Variants in METTL15 observed in about 807,000 individuals in gnomAD.
METTL15 encodes the protein methyltransferase 15, mitochondrial 12S rRNA N4-cytidine.
Under a neutral mutation model 38.3 loss-of-function variants are expected in METTL15, and 34 were observed. That is an observed-to-expected ratio of 0.89 (90% CI 0.68 to 1.18). The LOEUF is 1.18. METTL15 is among the 50% of genes most tolerant of loss of function. The pLI is 0.00. For missense variants in METTL15, 438 were observed against 498.4 expected, an observed-to-expected ratio of 0.88 and a Z score of 1.15; for synonymous variants, 162 against 170.9, an observed-to-expected ratio of 0.95 and a Z score of 0.41.
At chr11:28,385,747 A>C (rs752898452) in intron 5 of METTL15, among the ~76,000 whole-genome samples, 4 of 152,068 alleles carry the variant, frequency 2.6e-5, no homozygotes, top group Non-Finnish European at 5.9e-5. Context: ...GGCCATTTTA[A>C]CAATATTCAT....
intron 4 of METTL15, among the ~76,000 whole-genome samples, chr11:28,233,944 T>C (rs900174780): frequency 2.0e-5 from 3 of 147,334 alleles, no homozygotes; most frequent in African/African-American, 7.5e-5. Flanking sequence ...CCTAATGCTA[T>C]CCCTCCCCCC....
chr11:28,250,566 TAAAA>T lies in METTL15; in HGVS notation c.407+39376_407+39379del, dbSNP rs35218897. Among the ~76,000 whole-genome samples the T allele has an allele frequency of 4.4e-3, 661 of 151,586 alleles. 3 individuals are homozygous for T. The highest frequency in any genetic ancestry group is 8.6e-3 in the East Asian group (44 of 5,140). ...GTTTTAGAAGTTACTCTCCTTTTTT[TAAAA>T]AAAAAAATGATGTTTTTCCTACATC... is the stretch of plus-strand genomic sequence containing the variant. On this transcript the variant is annotated intron_variant, in intron 4 of 6. Transcript: ENST00000407364.
downstream of METTL15, among the ~76,000 whole-genome samples, chr11:28,334,760 A>G (rs760077114): frequency 7.1e-4 from 108 of 152,156 alleles, 1 homozygote; most frequent in Admixed American, 7.2e-4. Flanking sequence ...GAAAGTTTAC[A>G]TATAAATTAT....
At chr11:28,525,218 T>A (rs1012004223) in intron 6 of METTL15, among the ~76,000 whole-genome samples, 1 of 152,192 alleles carries the variant, frequency 6.6e-6, no homozygotes, top group Non-Finnish European at 1.5e-5. Context: ...CTGAGCGGGT[T>A]GCCACTGCTG....
At chr11:28,210,976 A>G in intron 3 of METTL15, 86 bp from the exon 4 acceptor site, 1 of 1,366,606 alleles carries the variant, frequency 7.3e-7, no homozygotes. Context: ...TCTGAAAATC[A>G]TTGTGTGCTT....
intron 6 of METTL15, among the ~76,000 whole-genome samples, chr11:28,493,702 G>T (rs751763752): frequency 6.6e-6 from 1 of 152,140 alleles, no homozygotes; most frequent in Non-Finnish European, 1.5e-5. Flanking sequence ...GTTGTTCAAG[G>T]TCAGAATCTG....
chr11:28,183,344 A>C (rs894163074), intron 3 of METTL15, among the ~76,000 whole-genome samples: 1 of 152,084 alleles, frequency 6.6e-6, no homozygotes, highest in Non-Finnish European at 1.5e-5. Flanking sequence ...CTGGTTTTCA[A>C]AGGGAATGCT....
At chr11:28,152,673 T>G (rs557994758) in intron 3 of METTL15, among the ~76,000 whole-genome samples, 5 of 152,136 alleles carry the variant, frequency 3.3e-5, no homozygotes, top group African/African-American at 1.2e-4. Flanking sequence ...CTCAAGTTCC[T>G]TATATAAAAT....
At chr11:28,197,391 TAAAATCC>T in intron 3 of METTL15, 1 of 271,658 alleles carries the variant, frequency 3.7e-6, no homozygotes, top group Admixed American at 4.2e-5. Context: ...TTTTTTTGAT[TAAAATCC>T]GTTTTATAAT....
At chr11:28,453,704 A>G (rs897464070) in intron 6 of METTL15, among the ~76,000 whole-genome samples, 1 of 152,196 alleles carries the variant, frequency 6.6e-6, no homozygotes, top group Non-Finnish European at 1.5e-5. Flanking sequence ...ATCTCTCTCT[A>G]TGCTTATTCA....
chr11:28,460,809 G>A (rs1403785831), intron 6 of METTL15, among the ~76,000 whole-genome samples: 3 of 152,032 alleles, frequency 2.0e-5, no homozygotes, highest in Admixed American at 6.6e-5. Flanking sequence ...AGAGGATTAG[G>A]TTTCCTAGTT....
intron 3 of METTL15, among the ~76,000 whole-genome samples, chr11:28,146,515 A>G (rs1273532879): frequency 6.6e-6 from 1 of 152,028 alleles, no homozygotes; most frequent in East Asian, 1.9e-4. Flanking sequence ...ATAGATTTTT[A>G]AAAATCTGTT....
intron 3 of METTL15, among the ~76,000 whole-genome samples, chr11:28,181,273 T>TTTTTTTG (rs398045082): frequency 2.0e-5 from 3 of 149,770 alleles, no homozygotes; most frequent in Non-Finnish European, 4.5e-5. Context: ...TTTTTTTTTT[T>TTTTTTTG]GTATTTTAAG....
chr11:28,268,689 C>T (rs557423078), intron 4 of METTL15, among the ~76,000 whole-genome samples: 1 of 152,030 alleles, frequency 6.6e-6, no homozygotes. Flanking sequence ...TGAGAAATAT[C>T]CTTTCTGAAA....
intron 6 of METTL15, among the ~76,000 whole-genome samples, chr11:28,473,639 A>G (rs747715407): frequency 6.6e-6 from 1 of 152,100 alleles, no homozygotes; most frequent in African/African-American, 2.4e-5. Context: ...AGCAGCAACT[A>G]TGGGCCAATC....
chr11:28,426,124 G>A (rs1850861768), intron 6 of METTL15, among the ~76,000 whole-genome samples: 2 of 152,044 alleles, frequency 1.3e-5, no homozygotes, highest in Admixed American at 6.6e-5. Context: ...CAGGCCTCCA[G>A]TGTGTGTTGT....
intron 6 of METTL15, among the ~76,000 whole-genome samples, chr11:28,502,054 T>C (rs1328028271): frequency 2.0e-5 from 3 of 146,578 alleles, no homozygotes; most frequent in Non-Finnish European, 4.5e-5. Context: ...GGAGCGGAGA[T>C]CTCGCCACTG....
chr11:28,318,691 T>C (rs1849354863), intron 6 of METTL15, among the ~76,000 whole-genome samples: 1 of 152,008 alleles, frequency 6.6e-6, no homozygotes, highest in African/African-American at 2.4e-5. Flanking sequence ...TATACAAGCT[T>C]GTTCTCCTCA....
intron 5 of METTL15, among the ~76,000 whole-genome samples, chr11:28,294,039 C>T (rs1309759514): frequency 6.6e-6 from 1 of 152,084 alleles, no homozygotes; most frequent in African/African-American, 2.4e-5. Flanking sequence ...CTAATGAATA[C>T]CCTTTATTTC....
Sources: gnomAD v4.1 joint callset for allele counts (sites outside exome capture counted in the v4.1 genomes callset) on GRCh38, gnomAD v4.1.1 for gene constraint, MANE v1.5 for transcripts, NCBI Gene and HGNC (gene_info 2026-07-23, HGNC 2026-07-21) for gene names.